The following CCSER1 variants were observed in gnomAD, a reference collection of about 807,000 sequenced individuals.
The protein encoded by CCSER1 is coiled-coil serine rich protein 1.
CCSER1 carries 41 observed loss-of-function variants against 82.0 expected under a neutral mutation model. That is an observed-to-expected ratio of 0.50 (90% CI 0.39 to 0.65). CCSER1 has a LOEUF of 0.65. Among genes scored for constraint, CCSER1 ranks in the 30% least tolerant of loss-of-function variants. The pLI, the probability that CCSER1 is intolerant of heterozygous loss-of-function variation, is 0.00. For synonymous variants in CCSER1, 414 were observed against 383.9 expected (o/e 1.08, Z -0.92); for missense variants, 1,119 against 1,064.2 (o/e 1.05, Z -0.72).
intron 10 of CCSER1, among the ~76,000 whole-genome samples, chr4:91,545,662 A>T (rs879440245): frequency 5.9e-5 from 9 of 152,226 alleles, no homozygotes; most frequent in Non-Finnish European, 1.2e-4. Flanking sequence ...ATCTTTACAT[A>T]TTAGATCCAG....
intron 10 of CCSER1, among the ~76,000 whole-genome samples, chr4:91,503,935 C>A (rs187650681): frequency 6.6e-6 from 1 of 152,072 alleles, no homozygotes; most frequent in African/African-American, 2.4e-5. Flanking sequence ...TTAATAAGTA[C>A]CACTAAATTG....
At chr4:91,413,405 AG>A (rs1402285315) in intron 10 of CCSER1, among the ~76,000 whole-genome samples, 37 of 152,114 alleles carry the variant, frequency 2.4e-4, no homozygotes, top group Non-Finnish European at 4.7e-4. Context: ...GGTGACAGTG[AG>A]CTATAATCCT....
At chr4:90,474,500 T>C (rs1764805296) in intron 5 of CCSER1, among the ~76,000 whole-genome samples, 1 of 152,146 alleles carries the variant, frequency 6.6e-6, no homozygotes, top group African/African-American at 2.4e-5. Context: ...AATGGTGAAA[T>C]GGAGCCGACT....
At position 90,723,940 on chromosome 4, in the gene CCSER1, T is replaced by C; in HGVS notation, c.1959T>C (p.Ser653=). 6.3e-7 allele frequency: 1 copy of C among 1,583,532 alleles called. No individual in the cohort carries two copies. The highest frequency in any genetic ancestry group is 8.6e-7 in the Non-Finnish European group (1 of 1,163,166). The change falls in exon 7 of 11, where the codon AGT becomes AGC. Residue 653 remains serine, a synonymous_variant. Coordinates refer to ENST00000509176, the MANE Select transcript of CCSER1 (RefSeq NM_001145065.2). ...GTGCAGACATGAGTCCAGCAAGCAGTACCACGTCACTTCCTGTTAGTCCTC... is the reference window on the plus strand; with the variant it reads ...GTGCAGACATGAGTCCAGCAAGCAGCACCACGTCACTTCCTGTTAGTCCTC... ...QESADMSPAS[S]TTSLPVSPLT...
At chr4:91,423,552 A>G (rs1441845550) in intron 10 of CCSER1, among the ~76,000 whole-genome samples, 1 of 152,174 alleles carries the variant, frequency 6.6e-6, no homozygotes, top group East Asian at 1.9e-4. Context: ...CTTATTTTAT[A>G]AAGAACAGGC....
At chr4:90,535,144 C>T (rs1000852569) in intron 5 of CCSER1, among the ~76,000 whole-genome samples, 1 of 151,874 alleles carries the variant, frequency 6.6e-6, no homozygotes, top group Non-Finnish European at 1.5e-5. Context: ...ATTTTAAATA[C>T]ATTATTAATA....
At chr4:90,836,422 G>A (rs575924475) in intron 8 of CCSER1, among the ~76,000 whole-genome samples, 8 of 152,138 alleles carry the variant, frequency 5.3e-5, no homozygotes, top group Non-Finnish European at 1.2e-4. Context: ...GCTTTGCTTT[G>A]AGAGTCACCT....
intron 3 of CCSER1, among the ~76,000 whole-genome samples, chr4:90,336,306 G>GAGTTATCCTTAGGATCACTGATCCTA (rs1740380240): frequency 6.6e-6 from 1 of 152,188 alleles, no homozygotes; most frequent in South Asian, 2.1e-4. Context: ...TTTAGTTAAA[G>GAGTTATCCTTAGGATCACTGATCCTA]AGTTATCCTT....
chr4:90,173,722 G>T (rs1279113989), intron 1 of CCSER1, among the ~76,000 whole-genome samples: 1 of 151,926 alleles, frequency 6.6e-6, no homozygotes, highest in Non-Finnish European at 1.5e-5. Context: ...AAGTTTAAGG[G>T]TTAAAAGTGA....
chr4:90,818,867 A>G (rs1187996634), intron 8 of CCSER1, among the ~76,000 whole-genome samples: 1 of 152,206 alleles, frequency 6.6e-6, no homozygotes, highest in Admixed American at 6.5e-5. Context: ...ATCTATTTAT[A>G]GATACCCAGG....
chr4:91,490,250 C>T (rs973087637), intron 10 of CCSER1, among the ~76,000 whole-genome samples: 1 of 151,952 alleles, frequency 6.6e-6, no homozygotes, highest in Non-Finnish European at 1.5e-5. Flanking sequence ...GTACATACCC[C>T]GAAGAAAGAA....
chr4:90,495,168 C>A (rs925777524), intron 5 of CCSER1, among the ~76,000 whole-genome samples: 4 of 152,046 alleles, frequency 2.6e-5, no homozygotes, highest in Non-Finnish European at 5.9e-5. Context: ...TGGTGTTCAA[C>A]CCTCCCTTTC....
intron 10 of CCSER1, among the ~76,000 whole-genome samples, chr4:91,424,726 C>A (rs866742114): frequency 6.6e-6 from 1 of 151,528 alleles, no homozygotes; most frequent in African/African-American, 2.4e-5. Flanking sequence ...TTTTAGGAGC[C>A]GATATTATAA....
intron 10 of CCSER1, among the ~76,000 whole-genome samples, chr4:91,233,444 A>T (rs1382035965): frequency 1.3e-5 from 2 of 151,938 alleles, no homozygotes; most frequent in Non-Finnish European, 2.9e-5. Context: ...TATTTAAGTT[A>T]TTGAATAGAA....
At chr4:90,415,470 A>AT (rs1755650369) in intron 4 of CCSER1, among the ~76,000 whole-genome samples, 1 of 152,216 alleles carries the variant, frequency 6.6e-6, no homozygotes, top group Non-Finnish European at 1.5e-5. Flanking sequence ...ATTGTCAAGA[A>AT]TTTTAGTCAG....
At chr4:90,626,441 A>G (rs1473784802) in intron 5 of CCSER1, among the ~76,000 whole-genome samples, 3 of 152,246 alleles carry the variant, frequency 2.0e-5, no homozygotes, top group Non-Finnish European at 2.9e-5. Context: ...TTAACACTAA[A>G]CGGAAGGCTT....
intron 10 of CCSER1, among the ~76,000 whole-genome samples, chr4:91,373,267 C>A (rs1750164558): frequency 6.6e-6 from 1 of 152,004 alleles, no homozygotes; most frequent in Non-Finnish European, 1.5e-5. Flanking sequence ...TGTTATTGTG[C>A]TTTTCTTTGT....
intron 8 of CCSER1, among the ~76,000 whole-genome samples, chr4:90,874,915 G>T (rs773924366): frequency 1.3e-5 from 2 of 152,178 alleles, no homozygotes; most frequent in Non-Finnish European, 2.9e-5. Context: ...GCGTAGTGAT[G>T]CATTCCTATA....
At chr4:90,765,132 G>A (rs542596561) in intron 7 of CCSER1, among the ~76,000 whole-genome samples, 45 of 152,114 alleles carry the variant, frequency 3.0e-4, no homozygotes, top group Non-Finnish European at 4.4e-4. Flanking sequence ...CAAATAGGTC[G>A]CTAACTCACT....
Sources: gnomAD v4.1 joint callset for allele counts (sites outside exome capture counted in the v4.1 genomes callset) on GRCh38, gnomAD v4.1.1 for gene constraint, MANE v1.5 for transcripts, NCBI Gene and HGNC (gene_info 2026-07-23, HGNC 2026-07-21) for gene names.